The following SMARCAL1 variants were observed in gnomAD, a reference collection of about 807,000 sequenced individuals.
SMARCAL1 encodes the protein SNF2 related chromatin remodeling annealing helicase 1.
Under a neutral mutation model 94.5 loss-of-function variants are expected in SMARCAL1, and 58 were observed. That is an observed-to-expected ratio of 0.61 (90% confidence interval 0.50 to 0.76). The LOEUF (loss-of-function observed/expected upper bound fraction) is 0.76, where lower values mean the gene tolerates loss of function less well. Among genes scored for constraint, SMARCAL1 ranks in the 30% least tolerant of loss-of-function variants. The pLI is 0.00. For missense variants in SMARCAL1, 1,051 were observed against 1,177.9 expected, an observed-to-expected ratio of 0.89 and a Z score of 1.58; for synonymous variants, 422 against 455.1, an observed-to-expected ratio of 0.93 and a Z score of 0.93.
chr2:216,463,840 C>T (rs1387055946), intron 12 of SMARCAL1, among the ~76,000 whole-genome samples: 3 of 152,040 alleles, frequency 2.0e-5, no homozygotes, highest in South Asian at 4.2e-4. Context: ...GTCAGAAGTT[C>T]GAGACCAGCC....
At chr2:216,446,410 A>C (rs921148922) in intron 10 of SMARCAL1, among the ~76,000 whole-genome samples, 1 of 152,226 alleles carries the variant, frequency 6.6e-6, no homozygotes, top group African/African-American at 2.4e-5. Context: ...GAGTTAGTAA[A>C]GGCCTTATTT....
chr2:216,446,959 G>C (rs542303552), intron 10 of SMARCAL1, 59 bp from the exon 11 acceptor site: 256 of 1,611,264 alleles, frequency 1.6e-4, no homozygotes, highest in Non-Finnish European at 6.5e-5. Context: ...GGGGCATTTT[G>C]AACATTTCCT....
intron 12 of SMARCAL1, among the ~76,000 whole-genome samples, chr2:216,461,412 T>G (rs1433664899): frequency 6.6e-6 from 1 of 151,966 alleles, no homozygotes; most frequent in African/African-American, 2.4e-5. Context: ...AAATATTATA[T>G]ATGCAATAAG....
intron 6 of SMARCAL1, among the ~76,000 whole-genome samples, chr2:216,425,622 C>T (rs375652578): frequency 2.1e-4 from 32 of 152,196 alleles, no homozygotes; most frequent in African/African-American, 7.5e-4. Context: ...TCTTGTCCTG[C>T]GTCCAAGAAG....
intron 10 of SMARCAL1, among the ~76,000 whole-genome samples, chr2:216,445,477 C>T (rs1392065012): frequency 6.6e-6 from 1 of 152,152 alleles, no homozygotes; most frequent in Admixed American, 6.6e-5. Flanking sequence ...TGACAGAAGA[C>T]CCTGGAGTTA....
chr2:216,443,609 A>T (rs1188086856), intron 10 of SMARCAL1, among the ~76,000 whole-genome samples: 1 of 152,190 alleles, frequency 6.6e-6, no homozygotes, highest in Non-Finnish European at 1.5e-5. Flanking sequence ...AAATCAGTTT[A>T]GTTAAGGTTA....
intron 12 of SMARCAL1, among the ~76,000 whole-genome samples, chr2:216,453,836 T>C (rs1694499957): frequency 6.6e-6 from 1 of 152,222 alleles, no homozygotes; most frequent in Admixed American, 6.5e-5. Flanking sequence ...CTTCACACCT[T>C]TCCATCTGGA....
At chr2:216,420,107 T>A (rs1693684642) in intron 4 of SMARCAL1, among the ~76,000 whole-genome samples, 192 bp from the exon 5 acceptor site, 1 of 150,750 alleles carries the variant, frequency 6.6e-6, no homozygotes, top group Non-Finnish European at 1.5e-5. Flanking sequence ...ATATTGAAAT[T>A]CCCAAAGCCC....
intron 12 of SMARCAL1, chr2:216,451,602 AG>A (rs1694450649): frequency 5.9e-6 from 1 of 169,552 alleles, no homozygotes; most frequent in Non-Finnish European, 1.3e-5. Flanking sequence ...TTTTACAGAG[AG>A]GGAAACTGAG....
At chr2:216,412,746 T>A (rs1165055799) in intron 1 of SMARCAL1, 98 bp downstream of exon 1, 1 of 150,148 alleles carries the variant, frequency 6.7e-6, no homozygotes, top group African/African-American at 2.5e-5. Flanking sequence ...TGAATCCAAG[T>A]GGAGATCGTA....
intron 4 of SMARCAL1, among the ~76,000 whole-genome samples, chr2:216,417,200 G>A (rs570879259): frequency 3.3e-5 from 5 of 152,340 alleles, no homozygotes; most frequent in Non-Finnish European, 7.3e-5. Context: ...GGCCAGTGAT[G>A]GGACAGCTCC....
Position 216,475,839 on chromosome 2 carries a change from C to A in SMARCAL1, c.2427+388C>A, listed in dbSNP as rs761925475. Among the ~76,000 whole-genome samples, 1 of 152,046 alleles carries A rather than the reference C, an allele frequency of 6.6e-6. No individual in the cohort carries two copies. The highest frequency in any genetic ancestry group is 1.5e-5 in the Non-Finnish European group (1 of 68,020). ...AGGATTATCGACTCCATTTTATCAACGGGAAGGTTGAAGTCTTCCAGGGCT... is the reference window on the plus strand; with the variant it reads ...AGGATTATCGACTCCATTTTATCAAAGGGAAGGTTGAAGTCTTCCAGGGCT... On this transcript the variant is annotated intron_variant, in intron 15 of 17. Coordinates refer to ENST00000357276, the MANE Select transcript of SMARCAL1 (RefSeq NM_014140.4). The surrounding 1 kb of genome is among the most constrained non-coding windows in gnomAD (Gnocchi z 4.4).
intron 2 of SMARCAL1, 191 bp from the exon 3 acceptor site, chr2:216,414,456 G>C (rs1224521282): frequency 2.1e-6 from 1 of 487,212 alleles, no homozygotes; most frequent in Non-Finnish European, 3.7e-6. Context: ...TTTGCTTTTT[G>C]ATCAGGGTCT....
chr2:216,415,943 C>T (rs889860645), intron 3 of SMARCAL1: 5 of 420,398 alleles, frequency 1.2e-5, no homozygotes, highest in Admixed American at 3.5e-5. Context: ...CAGGCCAGAG[C>T]CATTACTCCT....
Position 216,414,761 on chromosome 2 carries a change from G to A in SMARCAL1, c.57G>A (p.Lys19=). 6.2e-7 allele frequency: 1 copy of A among 1,614,216 alleles called. No individual in the cohort carries two copies. Among genetic ancestry groups the A allele is most frequent in the Non-Finnish European group, 8.5e-7 (1 of 1,180,050 alleles). The stretch of plus-strand genomic sequence containing the variant: ...AAAAGATTGAAGAGAATCGACAAAA[G>A]GCTCTGGCCCGCAGAGCTGAGAAGT... ...QRKKIEENRQ[K]ALARRAEKLL... Residue 19 remains lysine (K), a synonymous_variant, in exon 3 of 18, where the codon AAG becomes AAA. Transcript: ENST00000357276.
At chr2:216,420,036 A>G (rs1386471055) in intron 4 of SMARCAL1, among the ~76,000 whole-genome samples, 37 of 148,532 alleles carry the variant, frequency 2.5e-4, no homozygotes, top group Admixed American at 9.4e-4. Context: ...CTCAAAAAAA[A>G]AAAAAAAAAA....
intron 10 of SMARCAL1, among the ~76,000 whole-genome samples, chr2:216,439,299 T>C (rs1694145963): frequency 1.3e-5 from 2 of 148,854 alleles, no homozygotes; most frequent in Non-Finnish European, 3.0e-5. Context: ...CAACAGAGGG[T>C]AGTCCTCCAA....
intron 9 of SMARCAL1, 142 bp downstream of exon 9, chr2:216,435,638 G>A: frequency 1.3e-6 from 1 of 786,024 alleles, no homozygotes; most frequent in Admixed American, 2.2e-5. Context: ...TTATTTTGTG[G>A]GGAACTGGAA....
intron 12 of SMARCAL1, among the ~76,000 whole-genome samples, chr2:216,456,124 A>G (rs1223499440): frequency 6.6e-6 from 1 of 152,168 alleles, no homozygotes; most frequent in African/African-American, 2.4e-5. Flanking sequence ...AATGAATGAA[A>G]TGAAGCAAGA....
Sources: allele counts gnomAD v4.1 joint callset (sites outside exome capture counted in the v4.1 genomes callset), GRCh38; gene constraint gnomAD v4.1.1; non-coding constraint Gnocchi (gnomAD v3.1); transcripts MANE v1.5; gene names NCBI Gene and HGNC (gene_info 2026-07-23, HGNC 2026-07-21).